EPSTI1: variants seen among roughly 807,000 people sequenced by gnomAD.
The protein encoded by EPSTI1 is epithelial stromal interaction 1, also known as epithelial-stromal interaction protein 1.
EPSTI1 carries 66 observed loss-of-function variants against 49.9 expected under a neutral mutation model. The ratio of observed to expected loss-of-function variants is 1.32; its 90% confidence interval spans 1.08 to 1.62. The LOEUF is 1.62. Among genes scored for constraint, EPSTI1 ranks in the 40% most tolerant of loss-of-function variants. The pLI is 0.00. For synonymous variants in EPSTI1, 137 were observed against 130.7 expected, an observed-to-expected ratio of 1.05 and a Z score of -0.33; for missense variants, 394 against 365.5, an observed-to-expected ratio of 1.08 and a Z score of -0.64.
chr13:42,913,749 G>C (rs9525706), intron 8 of EPSTI1, among the ~76,000 whole-genome samples: 73 of 152,134 alleles, frequency 4.8e-4, no homozygotes, highest in African/African-American at 1.6e-3. Flanking sequence ...TTATCACAAC[G>C]CCTAATTTAT....
intron 6 of EPSTI1, among the ~76,000 whole-genome samples, chr13:42,928,577 A>G (rs1268231534): frequency 6.6e-6 from 1 of 152,174 alleles, no homozygotes; most frequent in Admixed American, 6.5e-5. Context: ...CATAGAACAA[A>G]ATAAAATTTA....
chr13:42,969,709 T>C (rs1174828093), intron 2 of EPSTI1: 1 of 153,270 alleles, frequency 6.5e-6, no homozygotes, highest in Non-Finnish European at 1.5e-5. Flanking sequence ...CTGTGCAGAG[T>C]CGGCTTCCTG....
chr13:42,895,071 T>A lies in EPSTI1; in HGVS notation c.853A>T (p.Ser285Cys). The A allele has an allele frequency of 6.2e-7, 1 of 1,613,498 alleles. No individual in the cohort carries two copies. Among genetic ancestry groups the A allele is most frequent in the South Asian group, 1.1e-5 (1 of 90,926 alleles). ...NAFLDRLQGK[S>C]QPGGLEQSGG... ...GATTGCTCGAGGCCACCTGGTTGAC[T>A]TTTGCCTTGGAGTCGGTCCAGAAAA... Residue 285 changes from serine (S) to cysteine (C), a missense_variant, in exon 10 of 11, where the codon AGT (serine) becomes TGT (cysteine). Coordinates refer to ENST00000313624, the MANE Select transcript of EPSTI1 (RefSeq NM_033255.5).
At chr13:42,932,736 T>G (rs2038418046) in intron 6 of EPSTI1, among the ~76,000 whole-genome samples, 1 of 152,098 alleles carries the variant, frequency 6.6e-6, no homozygotes, top group Admixed American at 6.5e-5. Flanking sequence ...CCCAAAACAT[T>G]CATCAATTAT....
intron 6 of EPSTI1, 131 bp downstream of exon 6, chr13:42,953,817 T>A: frequency 3.0e-6 from 2 of 676,608 alleles, no homozygotes; most frequent in Non-Finnish European, 4.9e-6. Flanking sequence ...GTGAAAGAGT[T>A]CAATTACATA....
chr13:42,952,790 G>A (rs1403100387), intron 6 of EPSTI1, among the ~76,000 whole-genome samples: 2 of 152,322 alleles, frequency 1.3e-5, no homozygotes, highest in Admixed American at 1.3e-4. Flanking sequence ...AACTTGCTAA[G>A]GAGCAAAGCA....
chr13:42,938,226 C>T (rs531038147), intron 6 of EPSTI1, among the ~76,000 whole-genome samples: 11 of 151,998 alleles, frequency 7.2e-5, no homozygotes, highest in African/African-American at 2.4e-4. Flanking sequence ...CTTTGAGATG[C>T]CTGGGAAATA....
chr13:42,930,711 A>C (rs902136035), intron 6 of EPSTI1, among the ~76,000 whole-genome samples: 9 of 152,254 alleles, frequency 5.9e-5, no homozygotes, highest in Non-Finnish European at 1.3e-4. Context: ...AGAAAATAGA[A>C]TAGAAATTAG....
chr13:42,980,137 G>A (rs2039962033), intron 1 of EPSTI1, among the ~76,000 whole-genome samples: 1 of 151,928 alleles, frequency 6.6e-6, no homozygotes, highest in Non-Finnish European at 1.5e-5. Flanking sequence ...AACATTTTTA[G>A]AAAGAATACT....
At position 42,922,806 on chromosome 13, in the gene EPSTI1, G is replaced by A. The variant is rs1010381306; in HGVS notation, c.657+3530C>T. On this transcript the variant is annotated intron_variant, in intron 7 of 10. Coordinates refer to ENST00000313624, the MANE Select transcript of EPSTI1 (RefSeq NM_033255.5). This position sits in a 1 kb window ranked among gnomAD's most constrained non-coding sequence, Gnocchi z 4.8. ...ACTGAGTGCTCACAGTAGTGTGAGAGAGGAGAGCTGGAGAGGCATGAGCTA... is the reference window on the plus strand; with the variant it reads ...ACTGAGTGCTCACAGTAGTGTGAGAAAGGAGAGCTGGAGAGGCATGAGCTA... Among the ~76,000 whole-genome samples the A allele has an allele frequency of 4.6e-5, 7 of 152,220 alleles. No individual in the cohort carries two copies. Among genetic ancestry groups the A allele is most frequent in the African/African-American group, 1.7e-4 (7 of 41,466 alleles).
intron 5 of EPSTI1, among the ~76,000 whole-genome samples, chr13:42,962,011 T>C (rs1046301440): frequency 2.0e-5 from 3 of 152,238 alleles, no homozygotes; most frequent in African/African-American, 7.2e-5. Flanking sequence ...CATTTCTAGA[T>C]GGCTAATGTT....
intron 8 of EPSTI1, among the ~76,000 whole-genome samples, chr13:42,907,915 C>A (rs1439469076): frequency 1.3e-5 from 2 of 152,076 alleles, no homozygotes; most frequent in Admixed American, 6.6e-5. Context: ...ACCAATGGAA[C>A]AGAATAGAGA....
intron 8 of EPSTI1, among the ~76,000 whole-genome samples, chr13:42,909,295 G>T (rs577047524): frequency 6.6e-6 from 1 of 152,212 alleles, no homozygotes; most frequent in South Asian, 2.1e-4. Context: ...AACAAGCGAT[G>T]GCAAGAATAT....
intron 1 of EPSTI1, among the ~76,000 whole-genome samples, chr13:42,971,686 A>T (rs1466193617): frequency 6.6e-6 from 1 of 152,230 alleles, no homozygotes; most frequent in Non-Finnish European, 1.5e-5. Context: ...TCAAAGGGCA[A>T]ATTAGCAAAG....
intron 1 of EPSTI1, among the ~76,000 whole-genome samples, chr13:42,980,704 CT>C (rs1332988360): frequency 6.6e-6 from 1 of 152,114 alleles, no homozygotes; most frequent in Non-Finnish European, 1.5e-5. Context: ...CATCATGGCC[CT>C]AGGTTTTCTA....
chr13:42,977,577 C>G (rs184925403), intron 1 of EPSTI1, among the ~76,000 whole-genome samples: 15 of 152,292 alleles, frequency 9.8e-5, no homozygotes, highest in African/African-American at 3.6e-4. Context: ...CCATCTTAGT[C>G]AATGAGGCAA....
chr13:42,889,145 C>A, intron 10 of EPSTI1: 1 of 1,296,774 alleles, frequency 7.7e-7, no homozygotes, highest in Non-Finnish European at 1.1e-6. Context: ...TCCACAGCAT[C>A]CCAAAGAGCC....
At position 42,913,231 on chromosome 13, in the gene EPSTI1, G is replaced by T. The variant is rs189762473; in HGVS notation, c.741+4310C>A. Reference sequence around the variant, plus strand: ...AAATATGCTACTAATCATAATAAATGAGAACACATCAAATCTACCCATTAA... The same window carrying T: ...AAATATGCTACTAATCATAATAAATTAGAACACATCAAATCTACCCATTAA... On this transcript the variant is annotated intron_variant, in intron 8 of 10. Coordinates refer to ENST00000313624, the MANE Select transcript of EPSTI1 (RefSeq NM_033255.5). 7.8e-4 allele frequency among the ~76,000 whole-genome samples: 119 copies of T among 152,102 alleles called. 2 individuals are homozygous for T. Among genetic ancestry groups the T allele is most frequent in the Admixed American group, 4.5e-3 (68 of 15,264 alleles).
intron 5 of EPSTI1, among the ~76,000 whole-genome samples, chr13:42,955,611 G>A (rs191020355): frequency 6.6e-6 from 1 of 152,052 alleles, no homozygotes; most frequent in Non-Finnish European, 1.5e-5. Flanking sequence ...AGACCAGTCT[G>A]GCCAACATGG....
Sources: allele counts gnomAD v4.1 joint callset (sites outside exome capture counted in the v4.1 genomes callset), GRCh38; gene constraint gnomAD v4.1.1; non-coding constraint Gnocchi (gnomAD v3.1); transcripts MANE v1.5; gene names NCBI Gene and HGNC (gene_info 2026-07-23, HGNC 2026-07-21).